The following SMARCA1 variants were observed in gnomAD, a reference collection of about 807,000 sequenced individuals.
The protein encoded by SMARCA1 is SNF2 related chromatin remodeling ATPase 1.
SMARCA1 carries 17 observed loss-of-function variants against 93.6 expected under a neutral mutation model. That is an observed-to-expected ratio of 0.18 (90% CI 0.12 to 0.27). The LOEUF (loss-of-function observed/expected upper bound fraction) is 0.27. Among genes scored for constraint, SMARCA1 ranks in the 10% least tolerant of loss-of-function variants. SMARCA1 has a pLI of 1.00. For synonymous variants in SMARCA1, 271 were observed against 271.4 expected (o/e 1.00, Z 0.01); for missense variants, 630 against 819.0 (o/e 0.77, Z 2.82).
chrX:129,506,240 T>C, intron 7 of SMARCA1, 29 bp from the exon 8 acceptor site: 3 of 1,062,531 alleles, frequency 2.8e-6, no homozygotes, highest in Non-Finnish European at 3.9e-6. Flanking sequence ...ATGAGGATTA[T>C]TTTACTTATT....
chrX:129,506,063 G>GT lies in SMARCA1; in HGVS notation c.1098+16dup, dbSNP rs1224177645. 4 of 1,148,813 alleles carry GT rather than the reference G, an allele frequency of 3.5e-6. No homozygotes were observed. The African/African-American group carries it at 7.1e-5, about 20-fold the overall frequency. 94.7% of individuals were successfully genotyped at this position (1,148,813 alleles called of 1,213,427 possible). A position where few individuals can be genotyped will look rare whatever the true frequency, so the allele number is the denominator to read the frequency against. The stretch of plus-strand genomic sequence containing the variant: ...AAAATAAGAAAGTTATACTTAAAAC[G>GT]TATGGCTTAAACTTACATCTGCAGA... On this transcript the variant is annotated intron_variant, in intron 8 of 24. Coordinates refer to ENST00000371121, the MANE Select transcript of SMARCA1 (RefSeq NM_001282874.2).
At chrX:129,450,411 T>C (rs1368801184) in intron 23 of SMARCA1, among the ~76,000 whole-genome samples, 5 of 112,170 alleles carry the variant, frequency 4.5e-5, no homozygotes, top group African/African-American at 1.3e-4. Context: ...TCCTGTTGCT[T>C]AAGCCACTCA....
Position 129,471,305 on chromosome X carries a change from G to A in SMARCA1, c.2464C>T (p.Pro822Ser), listed in dbSNP as rs1328827766. ...TCTCTTTGAGCCAGAGCTGGATTTGGGATATCAGGATTCCTTGGAACCTAT... is the reference window on the plus strand; with the variant it reads ...TCTCTTTGAGCCAGAGCTGGATTTGAGATATCAGGATTCCTTGGAACCTAT... ...GYKVPRNPDI[P>S]NPALAQREEQ... Residue 822 changes from proline to serine, a missense_variant, in exon 20 of 25, where the codon CCA becomes TCA. Physicochemically the swap from Pro to Ser is moderately conservative, Grantham distance 74. Coordinates refer to ENST00000371121, the MANE Select transcript of SMARCA1 (RefSeq NM_001282874.2). The A allele has an allele frequency of 8.4e-7, 1 of 1,194,979 alleles. No homozygotes were observed.
At chrX:129,514,230 T>C (rs1288667988) in intron 5 of SMARCA1, among the ~76,000 whole-genome samples, 1 of 110,640 alleles carries the variant, frequency 9.0e-6, no homozygotes, top group East Asian at 2.8e-4. Context: ...GGCAGGAGAA[T>C]GGCATGAACC....
chrX:129,489,118 A>G, intron 15 of SMARCA1, 33 bp from the exon 16 acceptor site: 9 of 961,460 alleles, frequency 9.4e-6, no homozygotes, highest in Non-Finnish European at 1.3e-5. Context: ...TACATATTCA[A>G]TCAATCATAT....
chrX:129,464,112 C>T (rs899691032), intron 23 of SMARCA1, among the ~76,000 whole-genome samples: 23 of 112,147 alleles, frequency 2.1e-4, no homozygotes, highest in African/African-American at 7.4e-4. Context: ...GATGGACATA[C>T]TCCACACACT....
chrX:129,519,229 C>G (rs1935307639), intron 1 of SMARCA1, among the ~76,000 whole-genome samples: 1 of 111,411 alleles, frequency 9.0e-6, no homozygotes, highest in Admixed American at 9.6e-5. Context: ...TGCACCCTAT[C>G]CTTTGTAAAG....
At chrX:129,496,689 G>A in intron 12 of SMARCA1, 61 bp downstream of exon 12, 1 of 1,077,218 alleles carries the variant, frequency 9.3e-7, no homozygotes, top group South Asian at 2.1e-5. Flanking sequence ...ACCTAATGTT[G>A]ATATACATTG....
chrX:129,519,267 C>T (rs1935308458), intron 1 of SMARCA1, among the ~76,000 whole-genome samples: 1 of 111,589 alleles, frequency 9.0e-6, no homozygotes, highest in South Asian at 3.7e-4. Context: ...AATATAAATA[C>T]ATATATAGAA....
At chrX:129,470,655 G>A (rs890536144) in intron 20 of SMARCA1, among the ~76,000 whole-genome samples, 2 of 111,226 alleles carry the variant, frequency 1.8e-5, no homozygotes, top group Admixed American at 1.9e-4. Context: ...GATCACTTGA[G>A]GTCAGGAGTT....
chrX:129,498,579 G>T (rs1934427917), intron 10 of SMARCA1, among the ~76,000 whole-genome samples: 1 of 110,918 alleles, frequency 9.0e-6, no homozygotes. Context: ...CAAGTATCAT[G>T]TCAAGGGCTT....
chrX:129,498,187 G>A, intron 10 of SMARCA1, 116 bp from the exon 11 acceptor site: 1 of 497,093 alleles, frequency 2.0e-6, no homozygotes, highest in Non-Finnish European at 3.5e-6. Flanking sequence ...TTTGATTTGA[G>A]ATTAAATCTA....
intron 12 of SMARCA1, among the ~76,000 whole-genome samples, chrX:129,496,203 A>G (rs1175225406): frequency 9.9e-6 from 1 of 100,535 alleles, no homozygotes; most frequent in Non-Finnish European, 2.0e-5. Context: ...CTGCAGGCCA[A>G]CCTTTTAGTG....
intron 23 of SMARCA1, among the ~76,000 whole-genome samples, chrX:129,456,095 G>A (rs140649819): frequency 1.1e-3 from 118 of 111,524 alleles, no homozygotes; most frequent in Middle Eastern, 4.7e-3. Flanking sequence ...ATTCATTAGG[G>A]GCTAAAGCAG....
intron 9 of SMARCA1, among the ~76,000 whole-genome samples, chrX:129,502,289 G>A (rs1420331343): frequency 9.0e-6 from 1 of 111,488 alleles, no homozygotes; most frequent in Non-Finnish European, 1.9e-5. Context: ...ATGTACGAAA[G>A]TCAAAGACAA....
At position 129,482,090 on chromosome X, in the gene SMARCA1, C is replaced by A. The variant is rs1482977689; in HGVS notation, c.2218-905G>T. Among the ~76,000 whole-genome samples the A allele has an allele frequency of 3.3e-5, 3 of 89,618 alleles. No individual in the cohort carries two copies. In the East Asian group the frequency reaches 1.1e-3, roughly 32 times the overall value. The allele number at this position is 89,618 out of a possible 115,157, so 77.8% of individuals were successfully genotyped here. A position where few individuals can be genotyped will look rare whatever the true frequency, so the allele number is the denominator to read the frequency against. On this transcript the variant is annotated intron_variant, in intron 17 of 24. Transcript: ENST00000371121. ...GTAAACTATCGCAAGAACAAAAAAC[C>A]AAACACCGCATATTCTCACTCATAG...
intron 1 of SMARCA1, 80 bp downstream of exon 1, chrX:129,523,117 C>G: frequency 2.8e-6 from 3 of 1,076,780 alleles, no homozygotes; most frequent in Non-Finnish European, 3.8e-6. Flanking sequence ...CCTGTCGGCG[C>G]CGAAAGGTCA....
chrX:129,510,079 A>T (rs1668796736), intron 6 of SMARCA1, among the ~76,000 whole-genome samples: 1 of 112,322 alleles, frequency 8.9e-6, no homozygotes, highest in Admixed American at 9.5e-5. Context: ...TAAGTGCTGA[A>T]CATGGTACAC....
intron 20 of SMARCA1, among the ~76,000 whole-genome samples, chrX:129,470,531 A>G (rs187706321): frequency 7.1e-4 from 79 of 111,823 alleles, no homozygotes; most frequent in African/African-American, 2.2e-3. Flanking sequence ...TCAGGAGACA[A>G]TTCACATCTA....
Sources: allele counts gnomAD v4.1 joint callset (sites outside exome capture counted in the v4.1 genomes callset), GRCh38; gene constraint gnomAD v4.1.1; transcripts MANE v1.5; gene names NCBI Gene and HGNC (gene_info 2026-07-23, HGNC 2026-07-21).